Variants in MED4 observed in about 807,000 individuals in gnomAD.
MED4 encodes the protein mediator complex subunit 4.
MED4 carries 21 observed loss-of-function variants against 35.0 expected under a neutral mutation model. The observed-to-expected ratio is 0.60, with a 90% CI of 0.43 to 0.86. MED4 has a LOEUF of 0.86. MED4 is among the 40% of genes least tolerant of loss of function. The probability of loss-of-function intolerance (pLI) is 0.00; values close to 1 mark genes in which losing one functional copy is unlikely to be tolerated. For missense variants in MED4, 300 were observed against 319.4 expected, an observed-to-expected ratio of 0.94 and a Z score of 0.46; for synonymous variants, 138 against 114.0, an observed-to-expected ratio of 1.21 and a Z score of -1.34.
chr13:48,093,274 C>T (rs1384826242), intron 1 of MED4, among the ~76,000 whole-genome samples: 1 of 151,970 alleles, frequency 6.6e-6, no homozygotes. Flanking sequence ...TTAAAAAAAA[C>T]GTTTAGCCTA....
At chr13:48,079,555 C>T (rs1950788462) in intron 6 of MED4, among the ~76,000 whole-genome samples, 3 of 152,066 alleles carry the variant, frequency 2.0e-5, no homozygotes, top group Admixed American at 2.0e-4. Flanking sequence ...GCCTGGCCAA[C>T]AGAGCGAAAC....
chr13:48,087,972 G>A (rs1950864920), intron 2 of MED4, among the ~76,000 whole-genome samples: 2 of 152,184 alleles, frequency 1.3e-5, no homozygotes, highest in African/African-American at 4.8e-5. Context: ...CATATCTCTA[G>A]TCCTCCATCT....
chr13:48,092,101 T>C (rs866866645), intron 1 of MED4, among the ~76,000 whole-genome samples: 1 of 152,060 alleles, frequency 6.6e-6, no homozygotes, highest in South Asian at 2.1e-4. Context: ...TAGTGTTTCA[T>C]TCTTTTTTTA....
intron 5 of MED4, among the ~76,000 whole-genome samples, chr13:48,080,758 T>C (rs1215685274): frequency 6.6e-6 from 1 of 151,856 alleles, no homozygotes; most frequent in Non-Finnish European, 1.5e-5. Flanking sequence ...TTTTTTTACA[T>C]TTTTCATCTT....
rs889957279 is a variant in MED4 at position 48,076,574 on chromosome 13, A to G, written c.*565T>C. ...GACAGTATATTTAAACTAAAAAAAA[A>G]GCATACAATGTACAAACAAATTTAT... On this transcript the variant is annotated 3_prime_UTR_variant, in exon 7 of 7. Transcript: ENST00000258648. The G allele has an allele frequency of 2.0e-5, 3 of 151,586 alleles. No homozygotes were observed. The highest frequency in any genetic ancestry group is 4.4e-5 in the Non-Finnish European group (3 of 67,784). The allele number at this position is 151,586 out of a possible 1,614,324, so 9.4% of individuals were successfully genotyped here. A position where few individuals can be genotyped will look rare whatever the true frequency, so the allele number is the denominator to read the frequency against.
rs1950877851 is a variant in MED4 at position 48,089,792 on chromosome 13, C to G, written c.192+560G>C. ...GCCAAAAACATAATATAAAATTTAT[C>G]CTCTTACCTCTAAAAAAATTCTGAA... is the stretch of plus-strand genomic sequence containing the variant. On this transcript the variant is annotated intron_variant, in intron 2 of 6. Coordinates refer to ENST00000258648, the MANE Select transcript of MED4 (RefSeq NM_014166.4). 2.0e-5 allele frequency among the ~76,000 whole-genome samples: 3 copies of G among 152,142 alleles called. No homozygotes were observed. The South Asian group carries it at 6.2e-4, about 32-fold the overall frequency.
intron 4 of MED4, among the ~76,000 whole-genome samples, chr13:48,082,964 G>A (rs1334857108): frequency 2.0e-5 from 3 of 152,152 alleles, no homozygotes; most frequent in Non-Finnish European, 2.9e-5. Context: ...CTTCATGTAC[G>A]TCTGGCTCTG....
chr13:48,083,042 T>G (rs529395301), intron 4 of MED4, among the ~76,000 whole-genome samples: 2 of 152,322 alleles, frequency 1.3e-5, no homozygotes, highest in Non-Finnish European at 2.9e-5. Context: ...TGTCCTAACC[T>G]TCAAGATTTG....
chr13:48,079,742 T>C, intron 6 of MED4, 102 bp downstream of exon 6: 2 of 1,352,434 alleles, frequency 1.5e-6, no homozygotes, highest in Non-Finnish European at 2.0e-6. Context: ...AAAAAAAAAA[T>C]TGTGTCGGGA....
Position 48,086,462 on chromosome 13 carries a change from A to T in MED4, c.193-10T>A, listed in dbSNP as rs751186959. ...TTAACAACTCCAGGACCTGTCAGAT[A>T]ACAGTCAATTAAATCAGACAATAGA... On this transcript the variant is annotated splice_polypyrimidine_tract_variant and intron_variant, in intron 2 of 6. Transcript: ENST00000258648. The T allele has an allele frequency of 2.4e-5, 38 of 1,612,074 alleles. No homozygotes were observed. The highest frequency in any genetic ancestry group is 3.1e-5 in the Non-Finnish European group (36 of 1,179,208).
At chr13:48,081,594 A>G in intron 5 of MED4, 51 bp downstream of exon 5, 3 of 1,289,920 alleles carry the variant, frequency 2.3e-6, no homozygotes, top group Non-Finnish European at 3.3e-6. Flanking sequence ...ATAGTCACCT[A>G]AGAATCTTCA....
intron 2 of MED4, among the ~76,000 whole-genome samples, chr13:48,088,288 T>C (rs746546564): frequency 1.3e-5 from 2 of 152,252 alleles, no homozygotes; most frequent in Non-Finnish European, 2.9e-5. Flanking sequence ...AAAAGATTTG[T>C]TGAAGACTAA....
intron 5 of MED4, among the ~76,000 whole-genome samples, chr13:48,080,322 G>A (rs747624799): frequency 8.7e-5 from 13 of 150,070 alleles, no homozygotes; most frequent in East Asian, 2.0e-4. Context: ...GCTTGAACCC[G>A]GGAGGCAGAG....
chr13:48,077,833 CTATT>C (rs964385311), intron 6 of MED4, among the ~76,000 whole-genome samples: 2 of 152,108 alleles, frequency 1.3e-5, no homozygotes, highest in African/African-American at 2.4e-5. Flanking sequence ...CTGTAAGAAA[CTATT>C]TAGTCAGTTG....
At chr13:48,094,590 G>A (rs981096875) in intron 1 of MED4, among the ~76,000 whole-genome samples, 2 of 151,832 alleles carry the variant, frequency 1.3e-5, no homozygotes, top group African/African-American at 4.8e-5. Context: ...ATAAAAACAG[G>A]CCCCAAGCCA....
chr13:48,091,102 A>G (rs1950887080), intron 1 of MED4, among the ~76,000 whole-genome samples: 1 of 152,232 alleles, frequency 6.6e-6, no homozygotes. Flanking sequence ...ATATGTTTAT[A>G]TATTTTAAGG....
At chr13:48,080,070 A>G in intron 5 of MED4, 95 bp from the exon 6 acceptor site, 2 of 1,392,982 alleles carry the variant, frequency 1.4e-6, no homozygotes, top group South Asian at 2.5e-5. Flanking sequence ...GTTCATGCTG[A>G]AAAGTTCAGG....
chr13:48,093,265 TA>T (rs1161496079), intron 1 of MED4, among the ~76,000 whole-genome samples: 4 of 151,878 alleles, frequency 2.6e-5, no homozygotes, highest in South Asian at 4.2e-4. Context: ...ACAAATGGGT[TA>T]AAAAAAACGT....
chr13:48,084,265 CAAAAAAAAAAAAAA>C (rs71099664), intron 3 of MED4, among the ~76,000 whole-genome samples: 1 of 109,974 alleles, frequency 9.1e-6, no homozygotes, highest in South Asian at 3.0e-4. Flanking sequence ...GACTCTGTCT[CAAAAAAAAAAAAAA>C]AAAAAAAAAA....
Sources: allele counts gnomAD v4.1 joint callset (sites outside exome capture counted in the v4.1 genomes callset), GRCh38; gene constraint gnomAD v4.1.1; transcripts MANE v1.5; gene names NCBI Gene and HGNC (gene_info 2026-07-23, HGNC 2026-07-21).